The following C4orf50 variants were observed in gnomAD, a reference collection of about 807,000 sequenced individuals.
The protein encoded by C4orf50 is chromosome 4 open reading frame 50.
A neutral mutation model predicts 77.2 loss-of-function variants in C4orf50; 80 were observed. The observed-to-expected ratio is 1.04, with a 90% confidence interval of 0.87 to 1.25. The LOEUF is 1.25. C4orf50 is among the 50% of genes most tolerant of loss of function. The pLI is 0.00. For missense variants in C4orf50, 1,257 were observed against 1,152.9 expected (o/e 1.09, Z -1.31); for synonymous variants, 532 against 465.3 (o/e 1.14, Z -1.84).
chr4:5,994,390 G>C (rs1721461348), exon 26 of C4orf50: 2 of 399,228 alleles, frequency 5.0e-6, no homozygotes, highest in African/African-American at 4.1e-5. Flanking sequence ...ACCGCAGGGA[G>C]TTCCGCCAGT....
chr4:5,989,883 C>T (rs1207330384), exon 28 of C4orf50: 1 of 1,438,134 alleles, frequency 7.0e-7, no homozygotes, highest in Non-Finnish European at 9.1e-7. Flanking sequence ...CTTTGTCCTC[C>T]AGGCTTCCTC....
chr4:5,935,110 T>A (rs1717949023), intron 7 of C4orf50, among the ~76,000 whole-genome samples: 1 of 152,218 alleles, frequency 6.6e-6, no homozygotes, highest in Non-Finnish European at 1.5e-5. Context: ...ATTACTGCAG[T>A]TAACATGGCC....
intron 31 of C4orf50, among the ~76,000 whole-genome samples, chr4:5,967,808 C>G (rs1719671389): frequency 6.6e-6 from 1 of 152,240 alleles, no homozygotes; most frequent in Non-Finnish European, 1.5e-5. Context: ...GATGTCTCCC[C>G]TGGGGCCCCT....
chr4:5,988,984 T>C (rs1422537451), exon 28 of C4orf50: 1 of 1,536,088 alleles, frequency 6.5e-7, no homozygotes. Flanking sequence ...CAGTGTTTCA[T>C]TTTCCTCTTC....
At chr4:5,913,906 A>G (rs1716916722) in intron 7 of C4orf50, among the ~76,000 whole-genome samples, 1 of 152,248 alleles carries the variant, frequency 6.6e-6, no homozygotes, top group Non-Finnish European at 1.5e-5. Context: ...CTGAGAATCA[A>G]TCTCCAAGAA....
At chr4:5,968,609 C>T (rs1462754256) in intron 31 of C4orf50, among the ~76,000 whole-genome samples, 2 of 152,216 alleles carry the variant, frequency 1.3e-5, no homozygotes, top group Admixed American at 6.5e-5. Flanking sequence ...TTCACTCTAT[C>T]CTTCCAGCTG....
downstream of C4orf50, among the ~76,000 whole-genome samples, chr4:5,955,213 T>G (rs544702098): frequency 6.8e-4 from 104 of 152,272 alleles, no homozygotes; most frequent in Middle Eastern, 3.4e-3. This position sits in a 1 kb window ranked among gnomAD's most constrained non-coding sequence, Gnocchi z 5.1. Context: ...AGGGCCCTCC[T>G]TGAGCGCTTC....
chr4:5,928,174 C>G (rs547943599), intron 7 of C4orf50, among the ~76,000 whole-genome samples: 3 of 152,206 alleles, frequency 2.0e-5, no homozygotes, highest in African/African-American at 7.2e-5. Flanking sequence ...CTCATTAAGG[C>G]AAAAATAAAA....
chr4:5,954,016 G>A (rs566496395), downstream of C4orf50, among the ~76,000 whole-genome samples: 10 of 152,354 alleles, frequency 6.6e-5, no homozygotes, highest in African/African-American at 2.4e-4. This position sits in a 1 kb window ranked among gnomAD's most constrained non-coding sequence, Gnocchi z 4.7. Flanking sequence ...ACCAGATGCA[G>A]TAGCTCTGGA....
chr4:6,008,168 TGCTCCTGCAG>T lies in C4orf50; in HGVS notation c.781_790del (p.Leu261ThrfsTer22), dbSNP rs1722324998. 2.5e-6 allele frequency: 1 copy of T among 398,694 alleles called. No individual in the cohort carries two copies. The highest frequency in any genetic ancestry group is 2.1e-5 in the African/African-American group (1 of 48,738). 24.7% of individuals were successfully genotyped at this position (398,694 alleles called of 1,614,324 possible). A position where few individuals can be genotyped will look rare whatever the true frequency, so the allele number is the denominator to read the frequency against. On this transcript the variant is annotated frameshift_variant, in exon 25 of 34. Coordinates refer to ENST00000531445, the Ensembl canonical transcript of C4orf50. LOFTEE classifies it high-confidence loss of function. The surrounding 1 kb of genome is among the most constrained non-coding windows in gnomAD (Gnocchi z 6.0). ...GCGGAGCTGGCGCTCGGTGGCCCGG[TGCTCCTGCAG>T]GCTGCGCGCCGCCTCTTCCCGCTCG...
At chr4:5,922,511 A>T (rs1717322245) in intron 7 of C4orf50, among the ~76,000 whole-genome samples, 1 of 152,170 alleles carries the variant, frequency 6.6e-6, no homozygotes, top group Non-Finnish European at 1.5e-5. Flanking sequence ...GGGAAATAAG[A>T]CAGAGTCCTT....
chr4:5,941,247 C>A (rs7692101), intron 7 of C4orf50, among the ~76,000 whole-genome samples: 2,227 of 152,318 alleles, frequency 0.015, 49 homozygotes, highest in African/African-American at 0.051. Context: ...TCTTGTCATT[C>A]TGACAACAAC....
At position 5,901,885 on chromosome 4, in the gene C4orf50, C is replaced by A. The variant is rs933093282; in HGVS notation, c.*2475-3697G>T. The A allele has an allele frequency of 6.6e-6, 1 of 152,296 alleles. No individual in the cohort carries two copies. The highest frequency in any genetic ancestry group is 2.4e-5 in the African/African-American group (1 of 41,448). 9.4% of individuals were successfully genotyped at this position (152,296 alleles called of 1,614,324 possible). ...TATGCAGGAATCACACAGACAGCAA[C>A]AGATGAGCCTTCCAGGTAAAGCCAA... On this transcript the variant is annotated intron_variant, in intron 7 of 7. Coordinates refer to the C4orf50 transcript ENST00000324058. This position sits in a 1 kb window ranked among gnomAD's most constrained non-coding sequence, Gnocchi z 4.4.
In C4orf50 at chr4:5,960,404, T is replaced by C. The variant is rs188005371; in HGVS notation, c.4276-778A>G. 2.0e-5 allele frequency among the ~76,000 whole-genome samples: 3 copies of C among 152,348 alleles called. No individual in the cohort carries two copies. In the East Asian group the frequency reaches 5.8e-4, roughly 29 times the overall value. ...AGGGTGTGGCAGGTGTGTCAGTGCC[T>C]TGCCAGACAGATGAGCAGAATGGAG... On this transcript the variant is annotated intron_variant, in intron 33 of 33. Coordinates refer to ENST00000531445, the Ensembl canonical transcript of C4orf50.
intron 23 of C4orf50, among the ~76,000 whole-genome samples, chr4:6,013,830 C>T (rs1722580005): frequency 6.6e-6 from 1 of 152,188 alleles, no homozygotes; most frequent in Non-Finnish European, 1.5e-5. Context: ...GACAGCTCGA[C>T]TAGCTCAGGA....
At chr4:5,959,814 T>G (rs1208974277) in intron 33 of C4orf50, among the ~76,000 whole-genome samples, 188 bp from the exon 12 acceptor site, 2 of 152,236 alleles carry the variant, frequency 1.3e-5, no homozygotes, top group Non-Finnish European at 2.9e-5. Flanking sequence ...GTGAGACACA[T>G]GCTGTCATCA....
In C4orf50 at chr4:5,992,802, C is replaced by T; in HGVS notation, c.1221+1G>A. On this transcript the variant is annotated splice_donor_variant, in intron 27 of 33. Coordinates refer to ENST00000531445, the Ensembl canonical transcript of C4orf50. LOFTEE classifies it high-confidence loss of function. The surrounding 1 kb of genome is among the most constrained non-coding windows in gnomAD (Gnocchi z 5.0). ...CACACGCAGAAAGCCTCTGGCCTCACCTGTTCACGGTTGGATCCGGCCAGG... is the reference window on the plus strand; with the variant it reads ...CACACGCAGAAAGCCTCTGGCCTCATCTGTTCACGGTTGGATCCGGCCAGG... 2 of 399,174 alleles carry T rather than the reference C, an allele frequency of 5.0e-6. No homozygotes were observed. The highest frequency in any genetic ancestry group is 2.1e-5 in the African/African-American group (1 of 48,768). The allele number at this position is 399,174 out of a possible 1,614,324, so 24.7% of individuals were successfully genotyped here.
chr4:5,965,036 C>A, exon 33 of C4orf50: 1 of 1,612,858 alleles, frequency 6.2e-7, no homozygotes, highest in South Asian at 1.1e-5. Context: ...TCAGAGAATC[C>A]AGTTGGGCTG....
At chr4:5,955,066 G>A (rs139783979), downstream of C4orf50, among the ~76,000 whole-genome samples, 984 of 152,124 alleles carry the variant, frequency 6.5e-3, 9 homozygotes, top group South Asian at 0.029. The surrounding 1 kb of genome is among the most constrained non-coding windows in gnomAD (Gnocchi z 5.1). Context: ...AGCTGTGAGC[G>A]TGTCTCCCTC....
Sources: gnomAD v4.1 joint callset for allele counts (sites outside exome capture counted in the v4.1 genomes callset) on GRCh38, gnomAD v4.1.1 for gene constraint, Gnocchi (gnomAD v3.1) non-coding constraint, MANE v1.5 for transcripts, NCBI Gene and HGNC (gene_info 2026-07-23, HGNC 2026-07-21) for gene names.